The following FBRS variants were observed in gnomAD, a reference collection of about 807,000 sequenced individuals.
FBRS encodes the protein fibrosin, also known as probable fibrosin-1.
A neutral mutation model predicts 86.1 loss-of-function variants in FBRS; 15 were observed. The ratio of observed to expected loss-of-function variants is 0.17; its 90% CI spans 0.12 to 0.27. The LOEUF is 0.27. FBRS is among the 10% of genes least tolerant of loss of function. FBRS has a pLI of 1.00. For missense variants in FBRS, 1,367 were observed against 1,301.6 expected (o/e 1.05, Z -0.77); for synonymous variants, 666 against 575.8 (o/e 1.16, Z -2.24).
rs1407198599 is a variant in FBRS at position 30,658,630 on chromosome 16, G to T, written c.-889G>T. 6.6e-6 allele frequency: 1 copy of T among 152,356 alleles called. No individual in the cohort carries two copies. The highest frequency in any genetic ancestry group is 1.5e-5 in the Non-Finnish European group (1 of 68,096). 9.4% of individuals were successfully genotyped at this position (152,356 alleles called of 1,614,324 possible). On this transcript the variant is annotated 5_prime_UTR_variant, in exon 1 of 18. Coordinates refer to ENST00000356166, the MANE Select transcript of FBRS (RefSeq NM_001105079.3). ...AGGAGGAAGAGACTTTTATGTCGGC[G>T]GACAGGGGAGCTGTACCCGTCACCG...
chr16:30,666,608 G>A, intron 12 of FBRS, 67 bp downstream of exon 12: 1 of 1,610,768 alleles, frequency 6.2e-7, no homozygotes, highest in East Asian at 2.2e-5. Flanking sequence ...TGGCTAAGGG[G>A]GGTTTTGCTT....
At position 30,664,366 on chromosome 16, in the gene FBRS, T is replaced by C; in HGVS notation, c.1207T>C (p.Ser403Pro). 1.3e-6 allele frequency: 2 copies of C among 1,529,598 alleles called. No individual in the cohort carries two copies. Among genetic ancestry groups the C allele is most frequent in the Non-Finnish European group, 1.8e-6 (2 of 1,133,818 alleles). 94.8% of individuals were successfully genotyped at this position (1,529,598 alleles called of 1,614,324 possible). The change falls in exon 7 of 18, where the codon TCC becomes CCC. Residue 403 changes from serine to proline, a missense_variant. By Grantham distance (74) the Ser-to-Pro change is moderately conservative. This residue lies in a region of FBRS where 702 missense variants were observed against 598.7 expected (regional missense o/e 1.17). Coordinates refer to ENST00000356166, the MANE Select transcript of FBRS (RefSeq NM_001105079.3). ...GACGCCCTCACTGCCCCTGCCTTTG[T>C]CCACCCACAGCTTTCCCCCTCCCGG... Reference protein sequence around the residue: ...PPTPSLPLPLSTHSFPPPGLR... With the variant: ...PPTPSLPLPLPTHSFPPPGLR...
chr16:30,663,269 C>T (rs1475805670), intron 6 of FBRS, among the ~76,000 whole-genome samples: 1 of 152,152 alleles, frequency 6.6e-6, no homozygotes, highest in Non-Finnish European at 1.5e-5. Flanking sequence ...CCTCGATTTC[C>T]TCTTTCTGTC....
chr16:30,664,465 C>G lies in FBRS; in HGVS notation c.1306C>G (p.Leu436Val). Residue 436 changes from leucine to valine, a missense_variant, in exon 7 of 18, where the codon CTG (leucine) becomes GTG (valine). Leu to Val is a conservative substitution (Grantham distance 32). Coordinates refer to ENST00000356166, the MANE Select transcript of FBRS (RefSeq NM_001105079.3). The part of the protein sequence containing the change: ...PGPTLPPPPP[L>V]LQVPGHPGAS... ...CCCCACCCTGCCCCCACCCCCACCC[C>G]TGCTGCAGGTGCCAGGGCACCCTGG... The G allele has an allele frequency of 2.8e-6, 4 of 1,418,410 alleles. No individual in the cohort carries two copies. The highest frequency in any genetic ancestry group is 3.7e-6 in the Non-Finnish European group (4 of 1,085,896). 87.9% of individuals were successfully genotyped at this position (1,418,410 alleles called of 1,614,324 possible). A position where few individuals can be genotyped will look rare whatever the true frequency, so the allele number is the denominator to read the frequency against.
chr16:30,667,758 A>ACCC (rs1567547312), intron 15 of FBRS, 136 bp downstream of exon 15: 1 of 686,016 alleles, frequency 1.5e-6, no homozygotes, highest in East Asian at 3.1e-5. Context: ...AGGTTACTCT[A>ACCC]CCCCCTCTGA....
chr16:30,666,564 G>A (rs1430301319), intron 12 of FBRS, 23 bp downstream of exon 12: 1 of 1,613,884 alleles, frequency 6.2e-7, no homozygotes, highest in Non-Finnish European at 8.5e-7. Context: ...AGGACCTCAG[G>A]CTGCATGAGG....
Position 30,668,987 on chromosome 16 carries a change from T to TTCCCCCCCCCCCCCCCCCC in FBRS, c.2366+8_2366+9insTCCCCCCCCCCCCCCCCCC. 1.4e-6 allele frequency: 2 copies of TTCCCCCCCCCCCCCCCCCC among 1,481,122 alleles called. No homozygotes were observed. Among genetic ancestry groups the TTCCCCCCCCCCCCCCCCCC allele is most frequent in the Non-Finnish European group, 1.8e-6 (2 of 1,088,972 alleles). The allele number at this position is 1,481,122 out of a possible 1,614,324, so 91.7% of individuals were successfully genotyped here. A position where few individuals can be genotyped will look rare whatever the true frequency, so the allele number is the denominator to read the frequency against. The stretch of plus-strand genomic sequence containing the variant: ...CAAGGAGGAGAAGGACAGGTGTGCC[T>TTCCCCCCCCCCCCCCCCCC]CCCACCCACCCTGCCCCTGCCCCAC... On this transcript the variant is annotated intron_variant, in intron 17 of 17. Coordinates refer to ENST00000356166, the MANE Select transcript of FBRS (RefSeq NM_001105079.3).
rs2052473052 is a variant in FBRS, at chr16:30,662,483, C to T, written c.754+15C>T. On this transcript the variant is annotated intron_variant, in intron 5 of 17. Transcript: ENST00000356166. ...AACCAGCAAAGGTTGGTCCCAAGGT[C>T]TGGGGCTGGAGGCACGGGAGGGCAG... The T allele has an allele frequency of 6.4e-7, 1 of 1,550,670 alleles. No homozygotes were observed. The highest frequency in any genetic ancestry group is 8.7e-7 in the Non-Finnish European group (1 of 1,147,008).
In FBRS at chr16:30,667,391, C is replaced by T. The variant is rs747347751; in HGVS notation, c.1947C>T (p.Pro649=). The change falls in exon 14 of 18, where the codon CCC becomes CCT. Residue 649 remains proline, a synonymous_variant. Transcript: ENST00000356166. ...TTCCGGGGCCCTATGGGGCCCTGCC[C>T]CCTGGGCAGGAGCTCTCCCACCCGG... ...PCLPGPYGAL[P]PGQELSHPAS... is the part of the protein sequence containing the mutation. 17 of 1,552,212 alleles carry T rather than the reference C, an allele frequency of 1.1e-5. No individual in the cohort carries two copies. The highest frequency in any genetic ancestry group is 1.5e-5 in the Non-Finnish European group (17 of 1,147,338).
chr16:30,665,579 G>A lies in FBRS; in HGVS notation c.1705-59G>A, dbSNP rs1036026826. The A allele has an allele frequency of 3.2e-6, 5 of 1,539,580 alleles. No homozygotes were observed. The South Asian group carries it at 3.6e-5, about 11-fold the overall frequency. ...CTGCCCAGTGTCCCAGCTTGGTTCTGGATCCCTTTGTGCTTGGTGCCAGCT... is the reference window on the plus strand; with the variant it reads ...CTGCCCAGTGTCCCAGCTTGGTTCTAGATCCCTTTGTGCTTGGTGCCAGCT... On this transcript the variant is annotated intron_variant, in intron 10 of 17. Transcript: ENST00000356166. The surrounding 1 kb of genome is among the most constrained non-coding windows in gnomAD (Gnocchi z 4.1).
intron 1 of FBRS, 86 bp from the exon 2 acceptor site, chr16:30,660,177 G>C (rs554603866): frequency 7.1e-7 from 1 of 1,412,550 alleles, no homozygotes; most frequent in Non-Finnish European, 9.3e-7. Flanking sequence ...CCCGGCCCGA[G>C]GGGTACTTCG....
rs1247173673 is a variant in FBRS at position 30,660,209 on chromosome 16, G to A, written c.460-54G>A. 33 of 1,367,336 alleles carry A rather than the reference G, an allele frequency of 2.4e-5. 1 individual carries two copies. In the East Asian group the frequency reaches 6.5e-4, roughly 27 times the overall value. The allele number at this position is 1,367,336 out of a possible 1,614,324, so 84.7% of individuals were successfully genotyped here. ...TTCGGCAACCTGGTCACCCCTAGAGGGGTTGGGAGCTTGCCCTTTTCCATC... is the reference window on the plus strand; with the variant it reads ...TTCGGCAACCTGGTCACCCCTAGAGAGGTTGGGAGCTTGCCCTTTTCCATC... On this transcript the variant is annotated intron_variant, in intron 1 of 17. Transcript: ENST00000356166.
intron 4 of FBRS, among the ~76,000 whole-genome samples, 171 bp downstream of exon 4, chr16:30,661,504 C>T (rs1318258483): frequency 1.3e-5 from 2 of 152,024 alleles, no homozygotes; most frequent in African/African-American, 4.8e-5. Flanking sequence ...GGGTAAATGG[C>T]GTCATTTTTT....
In FBRS at chr16:30,662,676, T is replaced by C. The variant is rs1596614550; in HGVS notation, c.872T>C (p.Val291Ala). 6.5e-7 allele frequency: 1 copy of C among 1,549,392 alleles called. No individual in the cohort carries two copies. The highest frequency in any genetic ancestry group is 8.7e-7 in the Non-Finnish European group (1 of 1,146,308). The change falls in exon 6 of 18, where the codon GTG (valine) becomes GCG (alanine). Residue 291 changes from valine to alanine, a missense_variant. By Grantham distance (64) the Val-to-Ala change is moderately conservative. Around this residue, in one of 3 missense-constraint regions of FBRS, gnomAD observed 702 missense variants for 598.7 expected, o/e 1.17. Transcript: ENST00000356166. ...CCCCCGGGGCCCGACCCGCTGCTAG[T>C]GCCTTTCCCCCCAAAGGAACCACCG... ...EQPPGPDPLL[V>A]PFPPKEPPPP...
rs773707897 is a variant in FBRS, at chr16:30,670,183, C to T, written c.*538C>T. 2 of 458,324 alleles carry T rather than the reference C, an allele frequency of 4.4e-6. No individual in the cohort carries two copies. Among genetic ancestry groups the T allele is most frequent in the Non-Finnish European group, 8.8e-6 (2 of 227,202 alleles). The allele number at this position is 458,324 out of a possible 1,614,324, so 28.4% of individuals were successfully genotyped here. A position where few individuals can be genotyped will look rare whatever the true frequency, so the allele number is the denominator to read the frequency against. On this transcript the variant is annotated 3_prime_UTR_variant, in exon 18 of 18. Coordinates refer to ENST00000356166, the MANE Select transcript of FBRS (RefSeq NM_001105079.3). Reference sequence around the variant, plus strand: ...TTCCCTTCCTGGTTAATTAAACCCTCAGACTGGTGCTGTGTTCCTAGCCTC... The same window carrying T: ...TTCCCTTCCTGGTTAATTAAACCCTTAGACTGGTGCTGTGTTCCTAGCCTC...
In FBRS at chr16:30,669,925, T is replaced by G. The variant is rs1596621948; in HGVS notation, c.*280T>G. On this transcript the variant is annotated 3_prime_UTR_variant, in exon 18 of 18. Coordinates refer to ENST00000356166, the MANE Select transcript of FBRS (RefSeq NM_001105079.3). This position sits in a 1 kb window ranked among gnomAD's most constrained non-coding sequence, Gnocchi z 5.9. Reference sequence around the variant, plus strand: ...TCGGGGGCCATGGGGCCTCCTGAGGTACACCTTTGCCCCTGTAAGGGCCTC... The same window carrying G: ...TCGGGGGCCATGGGGCCTCCTGAGGGACACCTTTGCCCCTGTAAGGGCCTC... The G allele has an allele frequency of 1.8e-6, 1 of 570,056 alleles. No homozygotes were observed. The highest frequency in any genetic ancestry group is 2.0e-5 in the South Asian group (1 of 50,416). 35.3% of individuals were successfully genotyped at this position (570,056 alleles called of 1,614,324 possible).
In FBRS at chr16:30,660,331, G is replaced by T. The variant is rs546150825; in HGVS notation, c.528G>T (p.Arg176Ser). The change falls in exon 2 of 18, where the codon AGG (arginine) becomes AGT (serine). Residue 176 changes from arginine (R) to serine (S), a missense_variant. Arg to Ser is a moderately radical substitution (Grantham distance 110). This residue lies in a region of FBRS where 702 missense variants were observed against 598.7 expected (regional missense o/e 1.17). Transcript: ENST00000356166. ...TGAAGCATTCTGGGAAGCGGAAAAG[G>T]GGGGGCTCCAGTGGGGCCACCGGGG... ...HRLKHSGKRK[R>S]GGSSGATGEP... 12 of 1,302,106 alleles carry T rather than the reference G, an allele frequency of 9.2e-6. No individual in the cohort carries two copies. In the East Asian group the frequency reaches 1.6e-4, roughly 17 times the overall value. 80.7% of individuals were successfully genotyped at this position (1,302,106 alleles called of 1,614,324 possible).
intron 13 of FBRS, 27 bp from the exon 14 acceptor site, chr16:30,667,293 C>T (rs1411131298): frequency 6.7e-7 from 1 of 1,494,268 alleles, no homozygotes. Context: ...TCCTCATGTA[C>T]TGCCCCTCTC....
At chr16:30,662,230 G>A (rs1463007624) in intron 4 of FBRS, 190 bp from the exon 5 acceptor site, 2 of 828,846 alleles carry the variant, frequency 2.4e-6, no homozygotes, top group Non-Finnish European at 3.7e-6. Flanking sequence ...CTTGGGGTCA[G>A]CTGCTCCACT....
Sources: allele counts gnomAD v4.1 joint callset (sites outside exome capture counted in the v4.1 genomes callset), GRCh38; gene constraint gnomAD v4.1.1; regional missense constraint gnomAD v4.1.1; non-coding constraint Gnocchi (gnomAD v3.1); transcripts MANE v1.5; gene names NCBI Gene and HGNC (gene_info 2026-07-23, HGNC 2026-07-21).